CAMKMT: variants seen among roughly 807,000 people sequenced by gnomAD.
CAMKMT encodes the protein CaM KMT.
A neutral mutation model predicts 48.0 loss-of-function variants in CAMKMT; 53 were observed. The ratio of observed to expected loss-of-function variants is 1.10; its 90% CI spans 0.89 to 1.39. CAMKMT has a LOEUF of 1.39. Ranked by LOEUF, CAMKMT falls within the 40% of genes most tolerant of loss-of-function variation. CAMKMT has a pLI of 0.00. For missense variants in CAMKMT, 428 were observed against 402.7 expected, an observed-to-expected ratio of 1.06 and a Z score of -0.54; for synonymous variants, 165 against 152.3, an observed-to-expected ratio of 1.08 and a Z score of -0.61.
At chr2:44,436,604 A>G (rs968725195) in intron 3 of CAMKMT, among the ~76,000 whole-genome samples, 2 of 151,958 alleles carry the variant, frequency 1.3e-5, no homozygotes, top group African/African-American at 4.8e-5. Flanking sequence ...TAAAAAATAT[A>G]AAACCACTCT....
intron 3 of CAMKMT, chr2:44,401,146 A>G (rs1400212682): frequency 6.6e-6 from 1 of 152,104 alleles, no homozygotes; most frequent in Non-Finnish European, 1.5e-5. Flanking sequence ...CTTTCTACAC[A>G]TGTTGAAGAA....
intron 7 of CAMKMT, among the ~76,000 whole-genome samples, chr2:44,720,955 T>C (rs1353105589): frequency 2.6e-5 from 4 of 152,156 alleles, no homozygotes; most frequent in African/African-American, 9.6e-5. Flanking sequence ...TTTTCTTCGA[T>C]TATATTTTCT....
intron 3 of CAMKMT, among the ~76,000 whole-genome samples, chr2:44,499,039 G>A (rs1669887891): frequency 6.6e-6 from 1 of 152,148 alleles, no homozygotes; most frequent in Non-Finnish European, 1.5e-5. Flanking sequence ...CTCTTTTATT[G>A]TAAGAGATCT....
intron 3 of CAMKMT, among the ~76,000 whole-genome samples, chr2:44,579,625 T>G (rs1365147447): frequency 6.6e-6 from 1 of 152,244 alleles, no homozygotes; most frequent in Non-Finnish European, 1.5e-5. Context: ...GTTTGCCCTT[T>G]CTCTCCTGAG....
At chr2:44,583,126 C>T (rs886886108) in intron 3 of CAMKMT, among the ~76,000 whole-genome samples, 2 of 152,100 alleles carry the variant, frequency 1.3e-5, no homozygotes, top group East Asian at 1.9e-4. Flanking sequence ...TTTAGTATTT[C>T]CTGCATTGCT....
intron 3 of CAMKMT, among the ~76,000 whole-genome samples, chr2:44,677,323 G>A (rs1675760917): frequency 6.6e-6 from 1 of 152,136 alleles, no homozygotes; most frequent in African/African-American, 2.4e-5. Context: ...CCTGTCCCTT[G>A]TATTATTTTG....
At chr2:44,549,239 C>G (rs1358931246) in intron 3 of CAMKMT, among the ~76,000 whole-genome samples, 1 of 152,184 alleles carries the variant, frequency 6.6e-6, no homozygotes, top group African/African-American at 2.4e-5. Flanking sequence ...GGCTCTCTCA[C>G]CAGTTTACCA....
rs569747818 is a variant in CAMKMT at position 44,428,144 on chromosome 2, G to A, written c.376+37839G>A. 8.5e-5 allele frequency among the ~76,000 whole-genome samples: 13 copies of A among 152,298 alleles called. No individual in the cohort carries two copies. The South Asian group carries it at 2.7e-3, about 32-fold the overall frequency. On this transcript the variant is annotated intron_variant, in intron 3 of 10. Transcript: ENST00000378494. ...TACACCCTGCCCTCTTGGTACCTAGGTTCTTGTCCAGTGTCCAGGAAGAAT... is the reference window on the plus strand; with the variant it reads ...TACACCCTGCCCTCTTGGTACCTAGATTCTTGTCCAGTGTCCAGGAAGAAT...
intron 9 of CAMKMT, among the ~76,000 whole-genome samples, chr2:44,764,372 A>C (rs1402949227): frequency 8.6e-6 from 1 of 116,906 alleles, no homozygotes; most frequent in Non-Finnish European, 1.9e-5. Flanking sequence ...GATCTTTCTA[A>C]TCTTACATCA....
intron 3 of CAMKMT, among the ~76,000 whole-genome samples, chr2:44,565,336 A>G (rs2103711368): frequency 6.6e-6 from 1 of 152,316 alleles, no homozygotes; most frequent in Non-Finnish European, 1.5e-5. Context: ...TTGCAGCAAG[A>G]AGATGTAGCT....
At chr2:44,456,583 G>A (rs1667575120) in intron 3 of CAMKMT, 18 of 1,549,758 alleles carry the variant, frequency 1.2e-5, no homozygotes, top group Non-Finnish European at 1.5e-5. Context: ...GCAACCAGGG[G>A]AAAATGAAGA....
In CAMKMT at chr2:44,661,531, G is replaced by A. The variant is rs533397981; in HGVS notation, c.377-42752G>A. On this transcript the variant is annotated intron_variant, in intron 3 of 10. Coordinates refer to ENST00000378494, the MANE Select transcript of CAMKMT (RefSeq NM_024766.5). The stretch of plus-strand genomic sequence containing the variant: ...GGGTTTCACCATGTTGGCCAGGCTG[G>A]TCTTGAACTCCTGACCTCAGGTGAG... 1.1e-4 allele frequency among the ~76,000 whole-genome samples: 17 copies of A among 152,152 alleles called. No individual in the cohort carries two copies. In the East Asian group the frequency reaches 2.9e-3, roughly 26 times the overall value.
chr2:44,378,747 C>T (rs969888245), intron 2 of CAMKMT, among the ~76,000 whole-genome samples: 7 of 152,154 alleles, frequency 4.6e-5, no homozygotes, highest in Non-Finnish European at 1.0e-4. Context: ...CCACCTTGGC[C>T]TCCCAAAGTG....
Position 44,766,536 on chromosome 2 carries a change from A to G in CAMKMT, c.869A>G (p.Glu290Gly). 1.2e-6 allele frequency: 2 copies of G among 1,614,076 alleles called. No homozygotes were observed. Among genetic ancestry groups the G allele is most frequent in the Non-Finnish European group, 1.7e-6 (2 of 1,180,014 alleles). Residue 290 changes from glutamate (E) to glycine (G), a missense_variant, in exon 10 of 11, where the codon GAA becomes GGA. Transcript: ENST00000378494. ...ATCCAAAGACATGAAAATTATGATGAACACATTTCAAACTTCCACTCCAAG... is the reference window on the plus strand; with the variant it reads ...ATCCAAAGACATGAAAATTATGATGGACACATTTCAAACTTCCACTCCAAG... ...FCIQRHENYD[E>G]HISNFHSKLK...
chr2:44,493,563 T>C (rs1357043729), intron 3 of CAMKMT, among the ~76,000 whole-genome samples: 1 of 152,232 alleles, frequency 6.6e-6, no homozygotes, highest in Non-Finnish European at 1.5e-5. Context: ...GTTTTTATTC[T>C]TCTTCATGAG....
At chr2:44,710,758 T>C (rs1038958281) in intron 6 of CAMKMT, among the ~76,000 whole-genome samples, 2 of 152,200 alleles carry the variant, frequency 1.3e-5, no homozygotes, top group Non-Finnish European at 2.9e-5. Flanking sequence ...TGAGTTATTA[T>C]TGATGCTAAG....
chr2:44,704,441 G>A, intron 4 of CAMKMT, 98 bp downstream of exon 4: 137 of 785,542 alleles, frequency 1.7e-4, no homozygotes, highest in East Asian at 8.6e-4. Context: ...TAAATTGTTA[G>A]AAAAAAATAT....
intron 7 of CAMKMT, among the ~76,000 whole-genome samples, chr2:44,742,561 G>T (rs1373332272): frequency 6.6e-6 from 1 of 152,154 alleles, no homozygotes; most frequent in Non-Finnish European, 1.5e-5. Context: ...CAGTAGGAAC[G>T]AGTTGGACAA....
intron 3 of CAMKMT, among the ~76,000 whole-genome samples, chr2:44,680,598 C>A (rs1675960390): frequency 6.6e-6 from 1 of 152,174 alleles, no homozygotes; most frequent in Non-Finnish European, 1.5e-5. Context: ...AATTTAATAC[C>A]AGTTATGCCC....
Sources: gnomAD v4.1 joint callset for allele counts (sites outside exome capture counted in the v4.1 genomes callset) on GRCh38, gnomAD v4.1.1 for gene constraint, MANE v1.5 for transcripts, NCBI Gene and HGNC (gene_info 2026-07-23, HGNC 2026-07-21) for gene names.